The following SUGCT variants were observed in gnomAD, a reference collection of about 807,000 sequenced individuals.
SUGCT encodes the protein succinyl-CoA:glutarate-CoA transferase.
Under a neutral mutation model 55.0 loss-of-function variants are expected in SUGCT, and 41 were observed. The observed-to-expected ratio is 0.74, with a 90% CI of 0.58 to 0.97. The LOEUF is 0.97. Ranked by LOEUF, SUGCT falls within the 50% of genes least tolerant of loss-of-function variation. SUGCT has a pLI of 0.00. For synonymous variants in SUGCT, 187 were observed against 200.4 expected (o/e 0.93, Z 0.56); for missense variants, 568 against 547.8 (o/e 1.04, Z -0.37).
intron 12 of SUGCT, among the ~76,000 whole-genome samples, chr7:40,567,306 G>C (rs554735928): frequency 6.6e-6 from 1 of 152,296 alleles, no homozygotes; most frequent in Non-Finnish European, 1.5e-5. Context: ...AGGGAGTTGT[G>C]TGTGCATTAA....
intron 12 of SUGCT, among the ~76,000 whole-genome samples, chr7:40,602,661 C>G (rs1185734006): frequency 6.6e-6 from 1 of 152,162 alleles, no homozygotes; most frequent in Non-Finnish European, 1.5e-5. Flanking sequence ...CAGAGCTGAT[C>G]ATGACCCTCA....
chr7:40,213,958 A>G (rs1288269600), intron 6 of SUGCT, among the ~76,000 whole-genome samples: 1 of 151,956 alleles, frequency 6.6e-6, no homozygotes, highest in East Asian at 1.9e-4. Context: ...GCTTGTTTTG[A>G]TAAATTATCT....
At chr7:40,614,912 C>T (rs374008385) in intron 12 of SUGCT, among the ~76,000 whole-genome samples, 4 of 151,750 alleles carry the variant, frequency 2.6e-5, no homozygotes, top group Admixed American at 1.3e-4. Context: ...AAAAAATAGC[C>T]GGGCATGGTA....
chr7:40,389,757 A>C (rs1785319810), intron 9 of SUGCT, among the ~76,000 whole-genome samples: 1 of 152,228 alleles, frequency 6.6e-6, no homozygotes, highest in African/African-American at 2.4e-5. Flanking sequence ...CTTTGTGATT[A>C]TGCACTACTC....
intron 12 of SUGCT, among the ~76,000 whole-genome samples, chr7:40,621,229 C>T (rs1474145353): frequency 6.6e-6 from 1 of 152,070 alleles, no homozygotes; most frequent in Admixed American, 6.5e-5. Context: ...ATTGAAGATA[C>T]ACAAGGAAGT....
the SUGCT span, among the ~76,000 whole-genome samples, chr7:40,874,820 C>G: frequency 1.4e-3 from 206 of 152,258 alleles, no homozygotes; most frequent in African/African-American, 4.6e-3. Context: ...CTATCCTTTT[C>G]TGGAAGAATA....
intron 12 of SUGCT, among the ~76,000 whole-genome samples, chr7:40,618,234 C>A (rs142291888): frequency 1.0e-3 from 152 of 152,244 alleles, no homozygotes; most frequent in Non-Finnish European, 1.8e-3. Flanking sequence ...TCAAATTTTT[C>A]TGCTAGTCTT....
chr7:40,527,798 C>A (rs1189760890), intron 12 of SUGCT, among the ~76,000 whole-genome samples: 3 of 152,138 alleles, frequency 2.0e-5, no homozygotes, highest in Non-Finnish European at 2.9e-5. Context: ...AAATGAAAGA[C>A]CCAATGATCA....
chr7:40,403,787 A>C (rs1786215126), intron 9 of SUGCT, among the ~76,000 whole-genome samples: 1 of 152,200 alleles, frequency 6.6e-6, no homozygotes, highest in Non-Finnish European at 1.5e-5. Flanking sequence ...GATGGCAAGC[A>C]TGTTTTCATG....
intron 1 of SUGCT, among the ~76,000 whole-genome samples, chr7:40,140,974 G>T (rs1263396051): frequency 6.6e-6 from 1 of 152,102 alleles, no homozygotes; most frequent in Non-Finnish European, 1.5e-5. Flanking sequence ...TTCAGCCTAC[G>T]TGCATGGGGT....
At chr7:40,187,777 T>TA (rs1785615169) in intron 3 of SUGCT, among the ~76,000 whole-genome samples, 1 of 152,096 alleles carries the variant, frequency 6.6e-6, no homozygotes, top group Admixed American at 6.5e-5. Context: ...CTACTAAAAA[T>TA]AAAAAATTAG....
intron 12 of SUGCT, among the ~76,000 whole-genome samples, chr7:40,718,136 C>G (rs1200955870): frequency 6.6e-6 from 1 of 152,104 alleles, no homozygotes; most frequent in Non-Finnish European, 1.5e-5. Context: ...ATATTTCATG[C>G]AAAGCAATAA....
chr7:40,758,305 T>C (rs533430188), intron 13 of SUGCT, among the ~76,000 whole-genome samples: 14 of 152,204 alleles, frequency 9.2e-5, no homozygotes, highest in African/African-American at 2.9e-4. Context: ...GATCAGTCTT[T>C]AAGATGTCAA....
At chr7:40,887,134 G>A in the SUGCT span, among the ~76,000 whole-genome samples, 13 of 152,210 alleles carry the variant, frequency 8.5e-5, no homozygotes, top group Non-Finnish European at 1.6e-4. Context: ...AGAGTGGCAT[G>A]TAGTGAAGTT....
chr7:40,502,900 G>A (rs552465377), intron 12 of SUGCT, among the ~76,000 whole-genome samples: 35 of 152,056 alleles, frequency 2.3e-4, no homozygotes, highest in Non-Finnish European at 3.2e-4. Flanking sequence ...GAAGGCATAA[G>A]AATTTCGTAT....
intron 12 of SUGCT, among the ~76,000 whole-genome samples, chr7:40,565,995 A>G (rs112794700): frequency 0.081 from 3,691 of 45,630 alleles, 143 homozygotes; most frequent in African/African-American, 0.12. Flanking sequence ...ACACACACGC[A>G]CACACACACA....
chr7:40,999,372 T>C, the SUGCT span, among the ~76,000 whole-genome samples: 1 of 152,172 alleles, frequency 6.6e-6, no homozygotes, highest in Non-Finnish European at 1.5e-5. Context: ...GGTACATCGA[T>C]GGACAAATTC....
At chr7:40,183,655 A>G (rs1035743261) in intron 3 of SUGCT, among the ~76,000 whole-genome samples, 1 of 152,216 alleles carries the variant, frequency 6.6e-6, no homozygotes, top group Non-Finnish European at 1.5e-5. Flanking sequence ...CCAATAAAAG[A>G]AACATTTCCC....
At chr7:40,737,884 A>C (rs1787253429) in intron 12 of SUGCT, among the ~76,000 whole-genome samples, 1 of 151,922 alleles carries the variant, frequency 6.6e-6, no homozygotes, top group Admixed American at 6.6e-5. Context: ...AGATGGTGCC[A>C]CTGCACTCTG....
Sources: allele counts gnomAD v4.1 joint callset (sites outside exome capture counted in the v4.1 genomes callset), GRCh38; gene constraint gnomAD v4.1.1; transcripts MANE v1.5; gene names NCBI Gene and HGNC (gene_info 2026-07-23, HGNC 2026-07-21).